RNLS: variants seen among roughly 807,000 people sequenced by gnomAD.
RNLS encodes renalase, FAD dependent amine oxidase.
In RNLS, 39 loss-of-function variants were observed where a neutral mutation model predicts 39.8. The observed-to-expected ratio is 0.98, with a 90% confidence interval of 0.76 to 1.28. RNLS has a LOEUF of 1.28. Among genes scored for constraint, RNLS ranks in the 50% most tolerant of loss-of-function variants. The pLI, the probability that RNLS is intolerant of heterozygous loss-of-function variation, is 0.00. For missense variants in RNLS, 410 were observed against 413.3 expected (o/e 0.99, Z 0.07); for synonymous variants, 147 against 150.7 (o/e 0.98, Z 0.18).
intron 4 of RNLS, among the ~76,000 whole-genome samples, chr10:88,510,270 T>A (rs929217999): frequency 2.0e-5 from 3 of 151,764 alleles, no homozygotes; most frequent in African/African-American, 7.3e-5. Flanking sequence ...TTTTAAAACA[T>A]TTAAAGAAAA....
At chr10:88,408,955 C>T (rs1370952403) in intron 4 of RNLS, among the ~76,000 whole-genome samples, 1 of 151,848 alleles carries the variant, frequency 6.6e-6, no homozygotes, top group Non-Finnish European at 1.5e-5. Flanking sequence ...GAGAACAAAA[C>T]CTTAGTGGAG....
intron 5 of RNLS, among the ~76,000 whole-genome samples, chr10:88,331,318 T>C (rs1847094992): frequency 6.6e-6 from 1 of 152,186 alleles, no homozygotes; most frequent in Non-Finnish European, 1.5e-5. Context: ...AGCTCTAAAT[T>C]ATATCTCTGA....
intron 4 of RNLS, among the ~76,000 whole-genome samples, chr10:88,543,044 T>C (rs773557419): frequency 5.9e-5 from 9 of 152,186 alleles, no homozygotes; most frequent in Non-Finnish European, 1.3e-4. Flanking sequence ...TTTTTCAGTA[T>C]GCTTTAAAAA....
chr10:88,395,331 GA>G (rs1436328002), intron 4 of RNLS, among the ~76,000 whole-genome samples: 2 of 149,886 alleles, frequency 1.3e-5, no homozygotes, highest in African/African-American at 4.9e-5. Flanking sequence ...AAGAATTAAA[GA>G]AAACTATGTC....
intron 5 of RNLS, among the ~76,000 whole-genome samples, chr10:88,324,282 C>T (rs568020855): frequency 2.0e-5 from 3 of 152,004 alleles, no homozygotes; most frequent in African/African-American, 4.8e-5. Context: ...CACCTGCACA[C>T]GTACGTTCAC....
At chr10:88,443,586 G>A (rs1047218616) in intron 4 of RNLS, among the ~76,000 whole-genome samples, 5 of 152,188 alleles carry the variant, frequency 3.3e-5, no homozygotes, top group African/African-American at 4.8e-5. Context: ...TGTGACAGAC[G>A]GCACCTGGAA....
chr10:88,538,287 T>C (rs1010097606), intron 4 of RNLS, among the ~76,000 whole-genome samples: 3 of 152,174 alleles, frequency 2.0e-5, no homozygotes, highest in Admixed American at 2.0e-4. Context: ...GATTTTGAAA[T>C]GCATGTGCTA....
the RNLS span, among the ~76,000 whole-genome samples, chr10:88,225,054 A>G: frequency 4.6e-5 from 7 of 152,336 alleles, no homozygotes; most frequent in South Asian, 6.2e-4. Flanking sequence ...TATGTGGTGT[A>G]TCAATGAAAT....
At chr10:88,470,905 C>T (rs1024282429) in intron 4 of RNLS, among the ~76,000 whole-genome samples, 1 of 152,156 alleles carries the variant, frequency 6.6e-6, no homozygotes, top group Non-Finnish European at 1.5e-5. Flanking sequence ...TGAGCCACCA[C>T]AGCCGGCCTG....
chr10:88,433,316 A>G (rs772765064), intron 4 of RNLS, among the ~76,000 whole-genome samples: 4 of 152,006 alleles, frequency 2.6e-5, no homozygotes, highest in Admixed American at 6.6e-5. Flanking sequence ...GAGCATTGCT[A>G]GGGAAGCAAG....
intron 4 of RNLS, among the ~76,000 whole-genome samples, chr10:88,434,130 A>AT (rs1267603762): frequency 6.6e-6 from 1 of 152,166 alleles, no homozygotes; most frequent in Admixed American, 6.6e-5. Context: ...ACAAAGATGT[A>AT]TAACTTTTGG....
the RNLS span, among the ~76,000 whole-genome samples, chr10:88,221,949 C>A: frequency 6.6e-6 from 1 of 152,168 alleles, no homozygotes; most frequent in South Asian, 2.1e-4. Flanking sequence ...ACTAGATGAT[C>A]TCCAGGGTCT....
chr10:88,287,343 A>G (rs1287857489), intron 6 of RNLS, among the ~76,000 whole-genome samples: 1 of 152,102 alleles, frequency 6.6e-6, no homozygotes, highest in African/African-American at 2.4e-5. Context: ...TCAGCAGACA[A>G]GATCTTTGAG....
In RNLS at chr10:88,506,471, T is replaced by C. The variant is rs560126613; in HGVS notation, c.526+66432A>G. 3.3e-4 allele frequency among the ~76,000 whole-genome samples: 50 copies of C among 152,006 alleles called. 1 individual carries two copies. The highest frequency in any genetic ancestry group is 1.0e-3 in the African/African-American group (43 of 41,546). ...TGATGCATGCTGAAGTACTAAGGAA[T>C]AAAATGTCTTAATATCTACAACTTA... On this transcript the variant is annotated intron_variant, in intron 4 of 6. Coordinates refer to ENST00000331772, the MANE Select transcript of RNLS (RefSeq NM_001031709.3).
At chr10:88,196,986 C>T in the RNLS span, among the ~76,000 whole-genome samples, 1 of 152,256 alleles carries the variant, frequency 6.6e-6, no homozygotes, top group Non-Finnish European at 1.5e-5. Flanking sequence ...ACATCAGCTC[C>T]TCCTTCTAAT....
At chr10:88,310,493 A>C (rs949060595) in intron 6 of RNLS, among the ~76,000 whole-genome samples, 2 of 152,028 alleles carry the variant, frequency 1.3e-5, no homozygotes, top group Non-Finnish European at 2.9e-5. Context: ...TTAAAAATTC[A>C]TGATCCTTCT....
the RNLS span, among the ~76,000 whole-genome samples, chr10:88,232,963 T>C: frequency 6.6e-6 from 1 of 152,228 alleles, no homozygotes; most frequent in African/African-American, 2.4e-5. Context: ...CAATCCTGTG[T>C]TACTCTCAAC....
At chr10:88,520,671 T>G (rs774075773) in intron 4 of RNLS, among the ~76,000 whole-genome samples, 1 of 152,042 alleles carries the variant, frequency 6.6e-6, no homozygotes, top group Non-Finnish European at 1.5e-5. Context: ...GAATAAATAT[T>G]TTATTCAACA....
At position 88,301,447 on chromosome 10, in the gene RNLS, C is replaced by T. The variant is rs545593375; in HGVS notation, c.876+13019G>A. ...ATAAATTGGGTCATACTACAGTCCA[C>T]CTGTCCCAAAGGGCCCATTTTGGTT... On this transcript the variant is annotated intron_variant, in intron 6 of 6. Coordinates refer to ENST00000331772, the MANE Select transcript of RNLS (RefSeq NM_001031709.3). Among the ~76,000 whole-genome samples, 12 of 152,304 alleles carry T rather than the reference C, an allele frequency of 7.9e-5. 1 individual carries two copies. Among genetic ancestry groups the T allele is most frequent in the African/African-American group, 2.9e-4 (12 of 41,560 alleles).
Sources: allele counts gnomAD v4.1 joint callset (sites outside exome capture counted in the v4.1 genomes callset), GRCh38; gene constraint gnomAD v4.1.1; transcripts MANE v1.5; gene names NCBI Gene and HGNC (gene_info 2026-07-23, HGNC 2026-07-21).